The following ASXL1 variants were observed in gnomAD, a reference collection of about 807,000 sequenced individuals.
ASXL1 encodes polycomb group protein ASXL1.
Under a neutral mutation model 89.1 loss-of-function variants are expected in ASXL1, and 65 were observed. The ratio of observed to expected loss-of-function variants is 0.73; its 90% CI spans 0.60 to 0.90. ASXL1 has a LOEUF of 0.90. ASXL1 is among the 40% of genes least tolerant of loss of function. The pLI is 0.00. For synonymous variants in ASXL1, 739 were observed against 746.9 expected, an observed-to-expected ratio of 0.99 and a Z score of 0.17; for missense variants, 1,786 against 1,942.9, an observed-to-expected ratio of 0.92 and a Z score of 1.52.
chr20:32,428,458 A>G, intron 6 of ASXL1, 36 bp downstream of exon 6: 5 of 1,554,730 alleles, frequency 3.2e-6, no homozygotes, highest in Non-Finnish European at 4.4e-6. Context: ...GGGAGGATGA[A>G]TGATGACAGG....
rs1299801356 is a variant in ASXL1 at position 32,439,014 on chromosome 20, G to T, written c.*1676G>T. The T allele has an allele frequency of 2.1e-5, 5 of 233,500 alleles. No homozygotes were observed. Among genetic ancestry groups the T allele is most frequent in the Non-Finnish European group, 4.2e-5 (5 of 117,998 alleles). The allele number at this position is 233,500 out of a possible 1,614,324, so 14.5% of individuals were successfully genotyped here. ...ACTTCAAGTCTCATTTTATCTGAAA[G>T]GTTTTTTTCTCATTTAATCTGATGT... On this transcript the variant is annotated 3_prime_UTR_variant, in exon 13 of 13. Transcript: ENST00000375687.
Position 32,436,553 on chromosome 20 carries a change from T to C in ASXL1, c.3841T>C (p.Ser1281Pro), listed in dbSNP as rs2011900066. ...TCGTTTCTCATCTCCAAATGTGATC[T>C]CCTTTGGTCCAGAGCAGACAGGTCG... ...TPRFSSPNVI[S>P]FGPEQTGRAL... is the part of the protein sequence containing the mutation. The change falls in exon 13 of 13, where the codon TCC becomes CCC. Residue 1281 changes from serine to proline, a missense_variant. Ser to Pro is a moderately conservative substitution (Grantham distance 74). Around this residue, in one of 3 missense-constraint regions of ASXL1, gnomAD observed 1,418 missense variants for 1,427.8 expected, o/e 0.99. Coordinates refer to ENST00000375687, the MANE Select transcript of ASXL1 (RefSeq NM_015338.6). 4 of 1,614,228 alleles carry C rather than the reference T, an allele frequency of 2.5e-6. No individual in the cohort carries two copies. Among genetic ancestry groups the C allele is most frequent in the Non-Finnish European group, 3.4e-6 (4 of 1,180,048 alleles).
At position 32,437,192 on chromosome 20, in the gene ASXL1, A is replaced by G; in HGVS notation, c.4480A>G (p.Thr1494Ala). 6.2e-7 allele frequency: 1 copy of G among 1,613,646 alleles called. No homozygotes were observed. The highest frequency in any genetic ancestry group is 8.5e-7 in the Non-Finnish European group (1 of 1,179,552). ...HSASLSLQMF[T>A]DSSTVESISL... ...TGCATCACTTTCCTTGCAAATGTTC[A>G]CTGACAGCAGCACGGTGGAAAGCAT... Residue 1494 changes from threonine to alanine, a missense_variant, in exon 13 of 13, where the codon ACT (threonine) becomes GCT (alanine). Thr to Ala is a moderately conservative substitution (Grantham distance 58, BLOSUM62 0). This residue lies in a region of ASXL1 where 36 missense variants were observed against 65.5 expected (regional missense o/e 0.55). Coordinates refer to ENST00000375687, the MANE Select transcript of ASXL1 (RefSeq NM_015338.6).
chr20:32,393,631 C>A (rs936936208), intron 4 of ASXL1, among the ~76,000 whole-genome samples: 11 of 152,088 alleles, frequency 7.2e-5, no homozygotes, highest in African/African-American at 2.2e-4. Flanking sequence ...GACACCACAC[C>A]CGGCTAATTT....
intron 4 of ASXL1, among the ~76,000 whole-genome samples, chr20:32,397,472 T>C (rs1175100965): frequency 2.8e-5 from 4 of 142,038 alleles, no homozygotes; most frequent in Non-Finnish European, 6.1e-5. Context: ...TGATCTCGGC[T>C]CGCTGCAGCC....
In ASXL1 at chr20:32,429,207, C is replaced by T; in HGVS notation, c.472-131C>T. 1.1e-6 allele frequency: 1 copy of T among 871,074 alleles called. No homozygotes were observed. Among genetic ancestry groups the T allele is most frequent in the South Asian group, 1.4e-5 (1 of 69,704 alleles). The allele number at this position is 871,074 out of a possible 1,614,324, so 54.0% of individuals were successfully genotyped here. A position where few individuals can be genotyped will look rare whatever the true frequency, so the allele number is the denominator to read the frequency against. On this transcript the variant is annotated intron_variant, in intron 6 of 12. Coordinates refer to ENST00000375687, the MANE Select transcript of ASXL1 (RefSeq NM_015338.6). The surrounding 1 kb of genome is among the most constrained non-coding windows in gnomAD (Gnocchi z 4.9). Reference sequence around the variant, plus strand: ...TAACATTAACCAGTGCTCTTGTCAGCATTATTTGACAGATCTGGTTGAAGA... The same window carrying T: ...TAACATTAACCAGTGCTCTTGTCAGTATTATTTGACAGATCTGGTTGAAGA...
chr20:32,399,339 C>A (rs898530000), intron 4 of ASXL1, among the ~76,000 whole-genome samples: 1 of 151,766 alleles, frequency 6.6e-6, no homozygotes, highest in African/African-American at 2.4e-5. Context: ...CTGTATTTTG[C>A]ATGCTTTTTT....
intron 4 of ASXL1, among the ~76,000 whole-genome samples, chr20:32,383,603 C>T (rs1044568570): frequency 3.3e-5 from 5 of 152,098 alleles, no homozygotes; most frequent in East Asian, 1.9e-4. Flanking sequence ...CCACTGCACC[C>T]GGCCAGTTGT....
chr20:32,394,368 C>T (rs2048725560), intron 4 of ASXL1, among the ~76,000 whole-genome samples: 1 of 151,894 alleles, frequency 6.6e-6, no homozygotes, highest in Non-Finnish European at 1.5e-5. Flanking sequence ...GAATTCCTGA[C>T]CTCAAGTGAT....
chr20:32,404,671 T>C (rs894033444), intron 4 of ASXL1, among the ~76,000 whole-genome samples: 1 of 152,218 alleles, frequency 6.6e-6, no homozygotes, highest in Non-Finnish European at 1.5e-5. Context: ...ACTTGTTTGC[T>C]GTGTCGAATA....
At position 32,397,250 on chromosome 20, in the gene ASXL1, C is replaced by CTT. The variant is rs71187116; in HGVS notation, c.252+28157_252+28158dup. 8.7e-3 allele frequency among the ~76,000 whole-genome samples: 61 copies of CTT among 6,984 alleles called. 15 individuals carry two copies. Among genetic ancestry groups the CTT allele is most frequent in the African/African-American group, 0.021 (44 of 2,144 alleles). The allele number at this position is 6,984 out of a possible 152,430, so 4.6% of individuals were successfully genotyped here. On this transcript the variant is annotated intron_variant, in intron 4 of 12. Coordinates refer to ENST00000375687, the MANE Select transcript of ASXL1 (RefSeq NM_015338.6). ...TTGTGGGGTGAGCGACCATGCCTGGCTTTTTTTTTTTTTTTTTTTTTTTTT... is the reference window on the plus strand; with the variant it reads ...TTGTGGGGTGAGCGACCATGCCTGGCTTTTTTTTTTTTTTTTTTTTTTTTTTT...
chr20:32,415,678 T>G (rs888275436), intron 4 of ASXL1, among the ~76,000 whole-genome samples: 1 of 152,200 alleles, frequency 6.6e-6, no homozygotes, highest in Admixed American at 6.5e-5. Context: ...ACTTCAACTT[T>G]CCTTCTTTGC....
intron 4 of ASXL1, among the ~76,000 whole-genome samples, chr20:32,405,890 AG>A (rs1396290826): frequency 6.6e-6 from 1 of 151,896 alleles, no homozygotes; most frequent in African/African-American, 2.4e-5. Context: ...ATCACTATAA[AG>A]CTCCTTTTTA....
intron 4 of ASXL1, among the ~76,000 whole-genome samples, chr20:32,394,341 T>C (rs1263569119): frequency 6.6e-6 from 1 of 152,188 alleles, no homozygotes; most frequent in Non-Finnish European, 1.5e-5. Context: ...TTTTGCCATG[T>C]TGGCCAAGCA....
intron 1 of ASXL1, among the ~76,000 whole-genome samples, chr20:32,366,107 T>C (rs947268361): frequency 1.3e-5 from 2 of 152,212 alleles, no homozygotes; most frequent in African/African-American, 4.8e-5. Context: ...AGCATCAAGC[T>C]GAACAGTAAC....
intron 4 of ASXL1, among the ~76,000 whole-genome samples, chr20:32,401,544 G>GTGTGTGTTTT (rs35101542): frequency 1.4e-5 from 1 of 69,304 alleles, no homozygotes; most frequent in African/African-American, 3.5e-5. Flanking sequence ...GTGTGTGTGT[G>GTGTGTGTTTT]TTTTTTCCCC....
intron 2 of ASXL1, among the ~76,000 whole-genome samples, chr20:32,367,269 G>C (rs2048221037): frequency 6.6e-6 from 1 of 152,122 alleles, no homozygotes; most frequent in Non-Finnish European, 1.5e-5. Flanking sequence ...TGTAGTTCCA[G>C]CTTGGGAGGC....
intron 4 of ASXL1, among the ~76,000 whole-genome samples, chr20:32,377,130 A>AATG (rs1216869376): frequency 7.0e-6 from 1 of 142,596 alleles, no homozygotes; most frequent in Non-Finnish European, 1.5e-5. Flanking sequence ...ATATTAATAT[A>AATG]ATATATATTA....
At chr20:32,430,734 G>C (rs953182428) in intron 8 of ASXL1, 1 of 241,772 alleles carries the variant, frequency 4.1e-6, no homozygotes, top group African/African-American at 2.2e-5. Context: ...CTGTCTTGCT[G>C]CTTTTCCAGC....
Sources: gnomAD v4.1 joint callset for allele counts (sites outside exome capture counted in the v4.1 genomes callset) on GRCh38, gnomAD v4.1.1 for gene constraint, gnomAD v4.1.1 regional missense constraint, Gnocchi (gnomAD v3.1) non-coding constraint, MANE v1.5 for transcripts, NCBI Gene and HGNC (gene_info 2026-07-23, HGNC 2026-07-21) for gene names.